Variants in WNT7B observed in about 807,000 individuals in gnomAD.
WNT7B encodes protein Wnt-7b.
In WNT7B, 19 loss-of-function variants were observed where a neutral mutation model predicts 38.2. The observed-to-expected ratio is 0.50, with a 90% CI of 0.35 to 0.73. WNT7B has a LOEUF of 0.73. Among genes scored for constraint, WNT7B ranks in the 30% least tolerant of loss-of-function variants. WNT7B has a pLI of 0.01. For missense variants in WNT7B, 423 were observed against 507.9 expected (o/e 0.83, Z 1.61); for synonymous variants, 243 against 209.3 (o/e 1.16, Z -1.39).
chr22:45,976,928 G>A lies in WNT7B; in HGVS notation c.-174C>T, dbSNP rs1932565073. 2 of 990,818 alleles carry A rather than the reference G, an allele frequency of 2.0e-6. No individual in the cohort carries two copies. The highest frequency in any genetic ancestry group is 1.8e-5 in the African/African-American group (1 of 57,122). 61.4% of individuals were successfully genotyped at this position (990,818 alleles called of 1,614,324 possible). On this transcript the variant is annotated 5_prime_UTR_variant, in exon 1 of 4. Coordinates refer to ENST00000339464, the MANE Select transcript of WNT7B (RefSeq NM_058238.3). The surrounding 1 kb of genome is among the most constrained non-coding windows in gnomAD (Gnocchi z 8.5). The stretch of plus-strand genomic sequence containing the variant: ...CGCGCGCTGCCACCATGGTGAGCCC[G>A]GGATGCCGCCGCCGCCACCGCCGCG...
At chr22:45,925,233 G>A (rs1931047523) in intron 3 of WNT7B, 1 of 983,818 alleles carries the variant, frequency 1.0e-6, no homozygotes, top group Non-Finnish European at 1.2e-6. Context: ...GTCTCATCAG[G>A]TGGGTGCTGT....
intron 2 of WNT7B, among the ~76,000 whole-genome samples, chr22:45,935,537 G>A (rs114936307): frequency 0.018 from 2,762 of 152,224 alleles, 87 homozygotes; most frequent in African/African-American, 0.062. Context: ...GGCTCTGGAC[G>A]CAGGGAGGGA....
At chr22:45,937,063 G>C (rs1447514950) in intron 2 of WNT7B, among the ~76,000 whole-genome samples, 4 of 152,128 alleles carry the variant, frequency 2.6e-5, no homozygotes, top group Admixed American at 6.5e-5. Context: ...GGTACTTGGT[G>C]CCCTCCTAGG....
At chr22:45,930,217 C>G (rs1159797322) in intron 3 of WNT7B, among the ~76,000 whole-genome samples, 2 of 152,280 alleles carry the variant, frequency 1.3e-5, no homozygotes, top group African/African-American at 4.8e-5. Context: ...TTCCTCTCTG[C>G]CCCGTGCCCA....
chr22:45,930,969 G>A lies in WNT7B; in HGVS notation c.570+129C>T, dbSNP rs983624157. ...AGCCATGCACGTGGAGGACCCAGACGGCCCCACCCCCTGCACACCTACGGA... is the reference window on the plus strand; with the variant it reads ...AGCCATGCACGTGGAGGACCCAGACAGCCCCACCCCCTGCACACCTACGGA... On this transcript the variant is annotated intron_variant, in intron 3 of 3. Coordinates refer to ENST00000339464, the MANE Select transcript of WNT7B (RefSeq NM_058238.3). The A allele has an allele frequency of 1.1e-4, 147 of 1,299,830 alleles. No homozygotes were observed. The East Asian group carries it at 2.9e-3, about 25-fold the overall frequency. The allele number at this position is 1,299,830 out of a possible 1,614,324, so 80.5% of individuals were successfully genotyped here.
At chr22:45,938,181 G>A (rs904313930) in intron 2 of WNT7B, among the ~76,000 whole-genome samples, 7 of 152,190 alleles carry the variant, frequency 4.6e-5, no homozygotes, top group African/African-American at 1.7e-4. Context: ...TGGCACGCAG[G>A]TCATCATGTG....
At chr22:45,940,668 T>A (rs1931622661) in intron 2 of WNT7B, among the ~76,000 whole-genome samples, 1 of 152,098 alleles carries the variant, frequency 6.6e-6, no homozygotes, top group Admixed American at 6.5e-5. Flanking sequence ...GCAGACAGGC[T>A]GGGAGCGGCT....
At chr22:45,957,217 CT>C in intron 1 of WNT7B, among the ~76,000 whole-genome samples, 1 of 152,118 alleles carries the variant, frequency 6.6e-6, no homozygotes, top group East Asian at 1.9e-4. Flanking sequence ...CAGAGGGAGC[CT>C]GCCTGTATGC....
rs115721040 is a variant in WNT7B, at chr22:45,966,380, C to T, written c.71+10304G>A. 0.015 allele frequency among the ~76,000 whole-genome samples: 2,305 copies of T among 152,358 alleles called. 25 individuals are homozygous for T. The highest frequency in any genetic ancestry group is 0.042 in the African/African-American group (1,755 of 41,584). On this transcript the variant is annotated intron_variant, in intron 1 of 3. Transcript: ENST00000339464. The surrounding 1 kb of genome is among the most constrained non-coding windows in gnomAD (Gnocchi z 4.2). ...CCCACTGCGCGGAGGCCAGCTGAGA[C>T]ACCACCAGTCCTTGTGCCCGGGCTC...
intron 1 of WNT7B, among the ~76,000 whole-genome samples, chr22:45,962,977 C>A (rs1220855927): frequency 6.6e-6 from 1 of 152,190 alleles, no homozygotes; most frequent in African/African-American, 2.4e-5. Flanking sequence ...TTCCTGGCTG[C>A]CCTGGACTTG....
chr22:45,974,886 A>G (rs1932520281), intron 1 of WNT7B, among the ~76,000 whole-genome samples: 1 of 152,138 alleles, frequency 6.6e-6, no homozygotes, highest in Non-Finnish European at 1.5e-5. Flanking sequence ...GGAAGGGCAT[A>G]CAGACCTCAA....
At chr22:45,925,592 G>T (rs1692837181) in intron 3 of WNT7B, 2 of 985,064 alleles carry the variant, frequency 2.0e-6, no homozygotes, top group Non-Finnish European at 1.2e-6. Flanking sequence ...CTCCCATCCT[G>T]TCCATCACCC....
intron 2 of WNT7B, among the ~76,000 whole-genome samples, chr22:45,934,934 G>A (rs953749418): frequency 6.6e-6 from 1 of 152,196 alleles, no homozygotes; most frequent in Non-Finnish European, 1.5e-5. Context: ...GTGGGCTCCC[G>A]TGCGCCCGGC....
At position 45,928,141 on chromosome 22, in the gene WNT7B, G is replaced by A. The variant is rs57438597; in HGVS notation, c.570+2957C>T. On this transcript the variant is annotated intron_variant, in intron 3 of 3. Transcript: ENST00000339464. Reference sequence around the variant, plus strand: ...TCCTTTGCTCTAAGGCCCCACCCGCGGCACTTGTCTGTGGCGGCAGTCAGC... The same window carrying A: ...TCCTTTGCTCTAAGGCCCCACCCGCAGCACTTGTCTGTGGCGGCAGTCAGC... Among the ~76,000 whole-genome samples the A allele has an allele frequency of 1.7e-3, 256 of 152,268 alleles. 1 individual carries two copies. The highest frequency in any genetic ancestry group is 5.7e-3 in the African/African-American group (236 of 41,552).
rs896388637 is a variant in WNT7B, at chr22:45,926,458, G to T, written c.571-3123C>A. The T allele has an allele frequency of 1.5e-5, 15 of 985,296 alleles. No individual in the cohort carries two copies. In the African/African-American group the frequency reaches 2.6e-4, roughly 17 times the overall value. The allele number at this position is 985,296 out of a possible 1,614,324, so 61.0% of individuals were successfully genotyped here. On this transcript the variant is annotated intron_variant, in intron 3 of 3. Coordinates refer to ENST00000339464, the MANE Select transcript of WNT7B (RefSeq NM_058238.3). Reference sequence around the variant, plus strand: ...ATTCAATGTTCTTTCCAGAATAAGGGTGTAGCCTGTGCTCTGGAAACAGTG... The same window carrying T: ...ATTCAATGTTCTTTCCAGAATAAGGTTGTAGCCTGTGCTCTGGAAACAGTG...
In WNT7B at chr22:45,966,587, C is replaced by G. The variant is rs1035105656; in HGVS notation, c.71+10097G>C. On this transcript the variant is annotated intron_variant, in intron 1 of 3. Transcript: ENST00000339464. The surrounding 1 kb of genome is among the most constrained non-coding windows in gnomAD (Gnocchi z 4.2). ...CACCCGGCAAGCTGCTCGTCGGGTGCGGTGGCTTCCTCCCAGGCCCAGCTC... is the reference window on the plus strand; with the variant it reads ...CACCCGGCAAGCTGCTCGTCGGGTGGGGTGGCTTCCTCCCAGGCCCAGCTC... 1.3e-5 allele frequency among the ~76,000 whole-genome samples: 2 copies of G among 152,206 alleles called. No individual in the cohort carries two copies. Among genetic ancestry groups the G allele is most frequent in the Non-Finnish European group, 2.9e-5 (2 of 68,036 alleles).
At chr22:45,946,015 G>A (rs1270075902) in intron 2 of WNT7B, among the ~76,000 whole-genome samples, 3 of 152,334 alleles carry the variant, frequency 2.0e-5, no homozygotes, top group East Asian at 3.9e-4. Context: ...CCAAGAGCAC[G>A]CAGTCGCTGC....
chr22:45,931,574 T>C (rs562657604), intron 2 of WNT7B, among the ~76,000 whole-genome samples: 2 of 152,154 alleles, frequency 1.3e-5, no homozygotes, highest in South Asian at 4.2e-4. Context: ...CAGCACCTGG[T>C]ATACAGCAGG....
chr22:45,942,570 G>A (rs963334794), intron 2 of WNT7B, among the ~76,000 whole-genome samples: 1 of 152,248 alleles, frequency 6.6e-6, no homozygotes, highest in Admixed American at 6.5e-5. Flanking sequence ...TGGCCCTGCT[G>A]CAATCCTGAC....
Sources: gnomAD v4.1 joint callset for allele counts (sites outside exome capture counted in the v4.1 genomes callset) on GRCh38, gnomAD v4.1.1 for gene constraint, Gnocchi (gnomAD v3.1) non-coding constraint, MANE v1.5 for transcripts, NCBI Gene and HGNC (gene_info 2026-07-23, HGNC 2026-07-21) for gene names.